The following NOL4L variants were observed in gnomAD, a reference collection of about 807,000 sequenced individuals.
NOL4L encodes nucleolar protein 4 like.
NOL4L carries 7 observed loss-of-function variants against 64.5 expected under a neutral mutation model. The ratio of observed to expected loss-of-function variants is 0.11; its 90% CI spans 0.06 to 0.20. NOL4L has a LOEUF of 0.20. Among genes scored for constraint, NOL4L ranks in the 10% least tolerant of loss-of-function variants. The pLI is 1.00. For synonymous variants in NOL4L, 413 were observed against 401.0 expected (o/e 1.03, Z -0.36); for missense variants, 680 against 967.1 (o/e 0.70, Z 3.94).
chr20:32,492,267 C>A (rs1258138305), intron 4 of NOL4L, among the ~76,000 whole-genome samples: 1 of 152,232 alleles, frequency 6.6e-6, no homozygotes, highest in Non-Finnish European at 1.5e-5. Flanking sequence ...AAACAAACTA[C>A]TGACGCATGC....
Position 32,554,667 on chromosome 20 carries a change from C to T in NOL4L, c.322-26754G>A, listed in dbSNP as rs1463540099. Among the ~76,000 whole-genome samples the T allele has an allele frequency of 1.3e-5, 2 of 152,134 alleles. 1 individual carries two copies. The highest frequency in any genetic ancestry group is 1.3e-4 in the Admixed American group (2 of 15,268). ...CAGGAAATCCTCCTTTTCTCCTTGCCTCCCAGGAGGCCCAGAGGGCCTTGA... is the reference window on the plus strand; with the variant it reads ...CAGGAAATCCTCCTTTTCTCCTTGCTTCCCAGGAGGCCCAGAGGGCCTTGA... On this transcript the variant is annotated intron_variant, in intron 1 of 10. Transcript: ENST00000621426.
chr20:32,495,061 C>A (rs1047061494), intron 4 of NOL4L, among the ~76,000 whole-genome samples: 1 of 152,180 alleles, frequency 6.6e-6, no homozygotes, highest in Admixed American at 6.5e-5. Flanking sequence ...AGGGGTGCTA[C>A]GCTACGTCCA....
At chr20:32,516,157 A>G (rs955043760) in intron 3 of NOL4L, among the ~76,000 whole-genome samples, 3 of 152,140 alleles carry the variant, frequency 2.0e-5, no homozygotes, top group Admixed American at 2.0e-4. Context: ...TCTTCCAGGC[A>G]GGGGTGGGCG....
intron 1 of NOL4L, among the ~76,000 whole-genome samples, chr20:32,529,813 C>G (rs6087924): frequency 0.14 from 20,708 of 152,196 alleles, 2,024 homozygotes; most frequent in African/African-American, 0.28. Flanking sequence ...CTCTCTCTCT[C>G]TGTGTGTACA....
chr20:32,448,307 G>A (rs1234699726), intron 10 of NOL4L, among the ~76,000 whole-genome samples: 1 of 152,200 alleles, frequency 6.6e-6, no homozygotes, highest in African/African-American at 2.4e-5. Flanking sequence ...ACACACCTGA[G>A]AGATGCGTGT....
At chr20:32,497,464 G>T (rs530098425) in intron 4 of NOL4L, among the ~76,000 whole-genome samples, 3 of 152,102 alleles carry the variant, frequency 2.0e-5, no homozygotes, top group African/African-American at 4.8e-5. Context: ...CAGGGGTCCC[G>T]CATTCAAAAT....
chr20:32,546,265 G>A lies in NOL4L; in HGVS notation c.322-18352C>T, dbSNP rs187999211. Among the ~76,000 whole-genome samples, 701 of 150,130 alleles carry A rather than the reference G, an allele frequency of 4.7e-3. 9 individuals are homozygous for A. Among genetic ancestry groups the A allele is most frequent in the African/African-American group, 0.016 (664 of 40,908 alleles). ...CCAGCTTTTTTTTCCTTTTTTTGGC[G>A]AGGGGATGGAGTTTTGCTCGTTACT... On this transcript the variant is annotated intron_variant, in intron 1 of 10. Coordinates refer to ENST00000621426, the MANE Select transcript of NOL4L (RefSeq NM_001256798.2).
At chr20:32,540,103 G>A in intron 1 of NOL4L, among the ~76,000 whole-genome samples, 1 of 152,212 alleles carries the variant, frequency 6.6e-6, no homozygotes, top group East Asian at 1.9e-4. Context: ...CGGTCTGTCT[G>A]CTGGGCTGGG....
chr20:32,463,909 C>G lies in NOL4L; in HGVS notation c.842-7514G>C, dbSNP rs754625717. ...TCCCTGGGACCACAGGCCAGGTACA[C>G]GGCCACTGGAGGCCAGCAGGCCCTG... On this transcript the variant is annotated intron_variant, in intron 5 of 10. Coordinates refer to ENST00000621426, the MANE Select transcript of NOL4L (RefSeq NM_001256798.2). This position sits in a 1 kb window ranked among gnomAD's most constrained non-coding sequence, Gnocchi z 5.8. Among the ~76,000 whole-genome samples the G allele has an allele frequency of 2.6e-5, 4 of 152,222 alleles. No homozygotes were observed. Among genetic ancestry groups the G allele is most frequent in the Non-Finnish European group, 4.4e-5 (3 of 68,038 alleles).
intron 1 of NOL4L, among the ~76,000 whole-genome samples, chr20:32,531,280 G>A (rs115643277): frequency 6.6e-6 from 1 of 152,184 alleles, no homozygotes; most frequent in Non-Finnish European, 1.5e-5. Flanking sequence ...GCAATCTGAT[G>A]AGGAGACAAT....
chr20:32,481,552 C>G (rs2015714365), intron 4 of NOL4L, among the ~76,000 whole-genome samples: 1 of 152,018 alleles, frequency 6.6e-6, no homozygotes, highest in African/African-American at 2.4e-5. Context: ...GCCGTCTTCT[C>G]AGCTGGGAGG....
At chr20:32,448,922 G>A (rs915216319) in intron 10 of NOL4L, among the ~76,000 whole-genome samples, 5 of 152,174 alleles carry the variant, frequency 3.3e-5, no homozygotes, top group African/African-American at 1.2e-4. Flanking sequence ...AAACTAGGCG[G>A]CTCCTGCGAG....
rs909006975 is a variant in NOL4L, at chr20:32,532,397, C to T, written c.322-4484G>A. 5.3e-5 allele frequency: 52 copies of T among 985,226 alleles called. No homozygotes were observed. The African/African-American group carries it at 7.0e-4, about 13-fold the overall frequency. The allele number at this position is 985,226 out of a possible 1,614,324, so 61.0% of individuals were successfully genotyped here. ...TAGGGGAAGAACGCCAGGATGTCTA[C>T]GTGGCCTTCAAGGAGAACCCTGAGA... On this transcript the variant is annotated intron_variant, in intron 1 of 10. Transcript: ENST00000621426.
At chr20:32,485,449 C>T (rs1334326666) in intron 4 of NOL4L, 4 of 253,696 alleles carry the variant, frequency 1.6e-5, no homozygotes, top group Admixed American at 1.5e-4. Context: ...ATCACATTAG[C>T]GCCACGCAGG....
In NOL4L at chr20:32,480,537, G is replaced by A. The variant is rs191356715; in HGVS notation, c.700-5795C>T. ...GAGTCTCTTCTCAACCCACTGGTGG[G>A]CCCCTCCTTCTGGACACCTGTAGGC... On this transcript the variant is annotated intron_variant, in intron 4 of 10. Transcript: ENST00000621426. Among the ~76,000 whole-genome samples, 405 of 152,222 alleles carry A rather than the reference G, an allele frequency of 2.7e-3. 2 individuals are homozygous for A. The highest frequency in any genetic ancestry group is 9.1e-3 in the African/African-American group (380 of 41,540).
At chr20:32,558,598 C>T (rs116270758) in intron 1 of NOL4L, among the ~76,000 whole-genome samples, 271 of 152,326 alleles carry the variant, frequency 1.8e-3, no homozygotes, top group African/African-American at 6.4e-3. Flanking sequence ...CCCACCACCC[C>T]ACACCACTCA....
At chr20:32,476,198 G>GACACACACACACACACACACAC (rs1167969757) in intron 4 of NOL4L, among the ~76,000 whole-genome samples, 2 of 140,978 alleles carry the variant, frequency 1.4e-5, no homozygotes, top group Non-Finnish European at 3.1e-5. Flanking sequence ...CACCCGGAGG[G>GACACACACACACACACACACAC]ACACACACAC....
intron 1 of NOL4L, among the ~76,000 whole-genome samples, chr20:32,583,299 C>G (rs995633988): frequency 1.3e-5 from 2 of 151,040 alleles, no homozygotes; most frequent in Admixed American, 1.3e-4. Flanking sequence ...GCGGCCCCCT[C>G]ACCCCGCGGG....
At chr20:32,500,240 A>G (rs1600766743) in intron 4 of NOL4L, among the ~76,000 whole-genome samples, 2 of 152,298 alleles carry the variant, frequency 1.3e-5, no homozygotes, top group East Asian at 3.9e-4. Context: ...TACAAAATAT[A>G]TAGAGATGAG....
Sources: gnomAD v4.1 joint callset for allele counts (sites outside exome capture counted in the v4.1 genomes callset) on GRCh38, gnomAD v4.1.1 for gene constraint, Gnocchi (gnomAD v3.1) non-coding constraint, MANE v1.5 for transcripts, NCBI Gene and HGNC (gene_info 2026-07-23, HGNC 2026-07-21) for gene names.